ROBO2: variants seen among roughly 807,000 people sequenced by gnomAD.
ROBO2 encodes roundabout guidance receptor 2.
In ROBO2, 53 loss-of-function variants were observed where a neutral mutation model predicts 160.8. That is an observed-to-expected ratio of 0.33 (90% CI 0.26 to 0.41). The LOEUF (loss-of-function observed/expected upper bound fraction) is 0.41, where lower values mean the gene tolerates loss of function less well. Among genes scored for constraint, ROBO2 ranks in the 10% least tolerant of loss-of-function variants. The pLI, the probability that ROBO2 is intolerant of heterozygous loss-of-function variation, is 1.00. For missense variants in ROBO2, 1,577 were observed against 1,722.4 expected, an observed-to-expected ratio of 0.92 and a Z score of 1.49; for synonymous variants, 664 against 611.7, an observed-to-expected ratio of 1.09 and a Z score of -1.26.
intron 2 of ROBO2, among the ~76,000 whole-genome samples, chr3:77,003,854 G>T (rs1048975795): frequency 2.6e-5 from 4 of 152,108 alleles, no homozygotes. Context: ...CGACATGGAG[G>T]TTCTTTAATC....
At position 76,049,401 on chromosome 3, in the gene ROBO2, A is replaced by ATT. The variant is rs1306305555; in HGVS notation, c.109+111800_109+111801insTT. Among the ~76,000 whole-genome samples the ATT allele has an allele frequency of 1.9e-4, 12 of 63,734 alleles. No individual in the cohort carries two copies. The East Asian group carries it at 2.1e-3, about 11-fold the overall frequency. The allele number at this position is 63,734 out of a possible 152,430, so 41.8% of individuals were successfully genotyped here. On this transcript the variant is annotated intron_variant, in intron 2 of 26. Transcript: ENST00000487694. ...AATTTTAGTATATATATATATATAT[A>ATT]TATTTTTTTTTTTTTTTTTTTTTGT... is the stretch of plus-strand genomic sequence containing the variant.
intron 2 of ROBO2, among the ~76,000 whole-genome samples, chr3:76,047,955 A>G (rs941466066): frequency 6.6e-6 from 1 of 152,334 alleles, no homozygotes; most frequent in East Asian, 1.9e-4. Context: ...TGGTTATATT[A>G]TACCTGTTTG....
intron 2 of ROBO2, among the ~76,000 whole-genome samples, chr3:76,357,617 C>T (rs1334969988): frequency 6.6e-6 from 1 of 151,826 alleles, no homozygotes; most frequent in Non-Finnish European, 1.5e-5. Context: ...ATGATGGATA[C>T]ATATATCCAA....
chr3:76,775,974 T>C (rs1294877021), intron 2 of ROBO2, among the ~76,000 whole-genome samples: 2 of 150,900 alleles, frequency 1.3e-5, no homozygotes, highest in African/African-American at 4.8e-5. Context: ...TTCCCTACTA[T>C]CACAACCCAC....
At chr3:76,570,156 T>C (rs996891885) in intron 2 of ROBO2, among the ~76,000 whole-genome samples, 1 of 152,000 alleles carries the variant, frequency 6.6e-6, no homozygotes, top group Non-Finnish European at 1.5e-5. Context: ...ATAAAGATTC[T>C]AATAAGCACT....
chr3:76,285,137 A>AT (rs915609092), intron 2 of ROBO2, among the ~76,000 whole-genome samples: 2 of 152,036 alleles, frequency 1.3e-5, no homozygotes, highest in Non-Finnish European at 2.9e-5. Flanking sequence ...ACCATAATTT[A>AT]TTTTTTTATT....
intron 2 of ROBO2, among the ~76,000 whole-genome samples, chr3:77,164,960 G>T (rs1238205543): frequency 1.4e-5 from 2 of 148,014 alleles, no homozygotes; most frequent in African/African-American, 5.0e-5. Context: ...CCCCAACCCG[G>T]CCAGCCGCCC....
chr3:77,606,457 T>G (rs1490919609), intron 20 of ROBO2, among the ~76,000 whole-genome samples: 1 of 152,198 alleles, frequency 6.6e-6, no homozygotes, highest in Non-Finnish European at 1.5e-5. Context: ...TCTGCTCTCC[T>G]TCCTCTTAAA....
rs1350126519 is a variant in ROBO2 at position 77,267,557 on chromosome 3, A to G, written c.388+169217A>G. Among the ~76,000 whole-genome samples the G allele has an allele frequency of 2.0e-5, 3 of 152,182 alleles. No individual in the cohort carries two copies. The East Asian group carries it at 5.8e-4, about 29-fold the overall frequency. ...GGGTGCTTGTTAGTGGGTAGGTGTG[A>G]TTATGGGAGGCAATTCTAGTGAGGA... On this transcript the variant is annotated intron_variant, in intron 2 of 25. Coordinates refer to ENST00000461745, the Ensembl canonical transcript of ROBO2.
chr3:76,273,219 A>G (rs574168896), intron 2 of ROBO2, among the ~76,000 whole-genome samples: 69 of 146,686 alleles, frequency 4.7e-4, no homozygotes, highest in African/African-American at 1.6e-3. Flanking sequence ...TTATCTAAGT[A>G]TGACTTCTAC....
intron 2 of ROBO2, among the ~76,000 whole-genome samples, chr3:77,113,802 C>A (rs982432745): frequency 6.6e-6 from 1 of 152,276 alleles, no homozygotes; most frequent in Non-Finnish European, 1.5e-5. Context: ...GGGGCATTAA[C>A]GGAAGCTTTC....
At chr3:76,282,731 A>C (rs537309166) in intron 2 of ROBO2, among the ~76,000 whole-genome samples, 4 of 152,034 alleles carry the variant, frequency 2.6e-5, no homozygotes, top group African/African-American at 9.6e-5. Context: ...CTGGGTATCA[A>C]ATCCCATGTT....
chr3:75,915,452 T>C (rs1441427657), intron 1 of ROBO2, among the ~76,000 whole-genome samples: 1 of 152,176 alleles, frequency 6.6e-6, no homozygotes, highest in East Asian at 1.9e-4. Context: ...TAAGATAGGC[T>C]GGAATGAAGA....
chr3:77,477,901 A>G (rs2084221859), intron 3 of ROBO2, among the ~76,000 whole-genome samples: 1 of 128,916 alleles, frequency 7.8e-6, no homozygotes, highest in African/African-American at 3.1e-5. Context: ...GATCCTGCTC[A>G]CCGCAACCTC....
chr3:76,327,430 G>A (rs1052689206), intron 2 of ROBO2, among the ~76,000 whole-genome samples: 11 of 152,068 alleles, frequency 7.2e-5, no homozygotes, highest in African/African-American at 2.4e-4. Flanking sequence ...GTGAAGAAGT[G>A]CTTTCAAATT....
At chr3:77,446,324 T>A (rs921807300) in intron 2 of ROBO2, among the ~76,000 whole-genome samples, 3 of 152,028 alleles carry the variant, frequency 2.0e-5, no homozygotes, top group Non-Finnish European at 2.9e-5. Flanking sequence ...TACTTCTCTT[T>A]CTCATATGAT....
intron 2 of ROBO2, among the ~76,000 whole-genome samples, chr3:76,468,859 T>TA (rs931294430): frequency 5.5e-4 from 83 of 152,196 alleles, no homozygotes; most frequent in African/African-American, 1.9e-3. Flanking sequence ...TAGACAAACT[T>TA]ATATCTACAG....
chr3:77,546,576 T>C (rs907233908), intron 7 of ROBO2, 114 bp downstream of exon 8: 32 of 1,326,642 alleles, frequency 2.4e-5, no homozygotes, highest in Non-Finnish European at 3.3e-5. Flanking sequence ...ATTTTATTTC[T>C]GAAAAAGAGA....
chr3:76,508,662 T>C (rs180884429), intron 2 of ROBO2, among the ~76,000 whole-genome samples: 12 of 152,322 alleles, frequency 7.9e-5, no homozygotes, highest in Admixed American at 3.9e-4. Context: ...ATTTTTCTTA[T>C]GCAATAAGTT....
Sources: allele counts gnomAD v4.1 joint callset (sites outside exome capture counted in the v4.1 genomes callset), GRCh38; gene constraint gnomAD v4.1.1; transcripts MANE v1.5; gene names NCBI Gene and HGNC (gene_info 2026-07-23, HGNC 2026-07-21).